Variants in PTTG1IP2 observed in about 807,000 individuals in gnomAD.
PTTG1IP2 encodes PTTG1IP family member 2.
chr7:90,490,836 G>T (rs993623874), intron 4 of PTTG1IP2, among the ~76,000 whole-genome samples: 2 of 152,110 alleles, frequency 1.3e-5, no homozygotes, highest in African/African-American at 2.4e-5. Flanking sequence ...TCTTTTGTCC[G>T]CATTTTAAAT....
chr7:90,501,578 G>A (rs1408072339), intron 6 of PTTG1IP2, among the ~76,000 whole-genome samples: 1 of 152,178 alleles, frequency 6.6e-6, no homozygotes, highest in African/African-American at 2.4e-5. Flanking sequence ...GCTGGGGTGA[G>A]AGGATCACTT....
chr7:90,496,883 G>T (rs1797997661), intron 6 of PTTG1IP2, among the ~76,000 whole-genome samples: 1 of 151,956 alleles, frequency 6.6e-6, no homozygotes, highest in African/African-American at 2.4e-5. Context: ...TTAGTATATT[G>T]TGTTTTAATT....
rs532645052 is a variant in PTTG1IP2 at position 90,498,632 on chromosome 7, C to T, written c.*50+4202C>T. 2.0e-5 allele frequency among the ~76,000 whole-genome samples: 3 copies of T among 152,292 alleles called. No homozygotes were observed. The South Asian group carries it at 6.2e-4, about 32-fold the overall frequency. ...CAATTTATTGTGAAAGCCTTTTTTA[C>T]ACCAGTGATATAAGATGAAACTTTT... On this transcript the variant is annotated intron_variant, in intron 6 of 6. Coordinates refer to ENST00000509356, the MANE Select transcript of PTTG1IP2 (RefSeq NM_001365443.2).
chr7:90,513,127 T>A (rs1798208275), intron 6 of PTTG1IP2, among the ~76,000 whole-genome samples, 151 bp from the exon 7 acceptor site: 1 of 152,250 alleles, frequency 6.6e-6, no homozygotes, highest in Non-Finnish European at 1.5e-5. Context: ...ATGTACAGCT[T>A]TTCAAGGGAT....
intron 1 of PTTG1IP2, among the ~76,000 whole-genome samples, chr7:90,472,601 G>A (rs1360398228): frequency 6.6e-6 from 1 of 152,130 alleles, no homozygotes; most frequent in Non-Finnish European, 1.5e-5. Context: ...CATACTCTAA[G>A]CTTACTTATT....
At chr7:90,486,271 T>A (rs1797874157) in intron 2 of PTTG1IP2, among the ~76,000 whole-genome samples, 1 of 152,154 alleles carries the variant, frequency 6.6e-6, no homozygotes, top group Non-Finnish European at 1.5e-5. Context: ...TTACTAGGTA[T>A]GCAATCTTAT....
chr7:90,476,357 TAGTTAA>T (rs1797747738), intron 1 of PTTG1IP2, among the ~76,000 whole-genome samples: 1 of 152,158 alleles, frequency 6.6e-6, no homozygotes, highest in African/African-American at 2.4e-5. Flanking sequence ...TGCTATTAAA[TAGTTAA>T]AGTTAAAATT....
chr7:90,470,235 C>T (rs1326053540), intron 1 of PTTG1IP2: 2 of 152,114 alleles, frequency 1.3e-5, no homozygotes, highest in Non-Finnish European at 2.9e-5. Flanking sequence ...GTGAATAAGC[C>T]ATTGGGTTTT....
intron 4 of PTTG1IP2, among the ~76,000 whole-genome samples, chr7:90,490,301 G>A (rs10487116): frequency 0.57 from 86,365 of 151,626 alleles, 25,265 homozygotes; most frequent in Non-Finnish European, 0.64. Context: ...TCTTCAGATT[G>A]TACACTTTTT....
intron 1 of PTTG1IP2, among the ~76,000 whole-genome samples, chr7:90,471,906 A>G (rs528898980): frequency 1.1e-4 from 17 of 152,222 alleles, no homozygotes; most frequent in African/African-American, 4.1e-4. Context: ...GTCCAAAGAT[A>G]CCCCTTCATG....
intron 6 of PTTG1IP2, among the ~76,000 whole-genome samples, chr7:90,507,125 G>T (rs1315501091): frequency 6.6e-6 from 1 of 152,164 alleles, no homozygotes; most frequent in Non-Finnish European, 1.5e-5. Flanking sequence ...TGCGAAGTTA[G>T]TTATAATAAT....
intron 3 of PTTG1IP2, among the ~76,000 whole-genome samples, chr7:90,487,927 T>TA (rs1350716484): frequency 4.6e-5 from 7 of 152,176 alleles, no homozygotes; most frequent in African/African-American, 1.7e-4. Flanking sequence ...CTATAACTTA[T>TA]ATTTTTTCAG....
intron 1 of PTTG1IP2, among the ~76,000 whole-genome samples, chr7:90,475,727 A>G (rs17865455): frequency 0.032 from 4,889 of 152,164 alleles, 168 homozygotes; most frequent in East Asian, 0.12. Flanking sequence ...TTGGGAGGCC[A>G]ATGTGGGTGG....
At chr7:90,492,141 A>C (rs892934385) in intron 4 of PTTG1IP2, 98 bp from the exon 5 acceptor site, 1 of 152,198 alleles carries the variant, frequency 6.6e-6, no homozygotes, top group Non-Finnish European at 1.5e-5. Context: ...AAAAATAATA[A>C]AAAAATAAAA....
chr7:90,511,984 A>C (rs1307744550), intron 6 of PTTG1IP2, among the ~76,000 whole-genome samples: 1 of 152,252 alleles, frequency 6.6e-6, no homozygotes, highest in Non-Finnish European at 1.5e-5. Flanking sequence ...AACACTCAGT[A>C]AATAGCAGCT....
chr7:90,484,347 T>G (rs1584693527), intron 2 of PTTG1IP2, among the ~76,000 whole-genome samples: 1 of 152,146 alleles, frequency 6.6e-6, no homozygotes, highest in East Asian at 1.9e-4. Flanking sequence ...TGTTTTGATT[T>G]TAATGATATT....
chr7:90,486,659 A>G (rs1379298674), intron 2 of PTTG1IP2, among the ~76,000 whole-genome samples: 1 of 152,124 alleles, frequency 6.6e-6, no homozygotes, highest in Non-Finnish European at 1.5e-5. Context: ...GGCCATGTGT[A>G]ACAGAGGAGC....
chr7:90,493,517 C>T (rs1797962068), intron 5 of PTTG1IP2, among the ~76,000 whole-genome samples: 1 of 151,996 alleles, frequency 6.6e-6, no homozygotes, highest in Non-Finnish European at 1.5e-5. Flanking sequence ...ACACATTGAC[C>T]CAGGAAAAAC....
At position 90,471,638 on chromosome 7, in the gene PTTG1IP2, G is replaced by A. The variant is rs17866832; in HGVS notation, c.145+1707G>A. On this transcript the variant is annotated intron_variant, in intron 1 of 6. Transcript: ENST00000509356. ...GATCAGAACAGAATAGCACAGCATG[G>A]CAAGACTCCAAATGTTGCCACTCTC... Among the ~76,000 whole-genome samples, 1,299 of 152,276 alleles carry A rather than the reference G, an allele frequency of 8.5e-3. 30 individuals carry two copies. Among genetic ancestry groups the A allele is most frequent in the African/African-American group, 0.03 (1,243 of 41,554 alleles).
Sources: gnomAD v4.1 joint callset for allele counts (sites outside exome capture counted in the v4.1 genomes callset) on GRCh38, gnomAD v4.1.1 for gene constraint, MANE v1.5 for transcripts, NCBI Gene and HGNC (gene_info 2026-07-23, HGNC 2026-07-21) for gene names.